TET1: variants seen among roughly 807,000 people sequenced by gnomAD.
The protein encoded by TET1 is methylcytosine dioxygenase TET1.
A neutral mutation model predicts 148.7 loss-of-function variants in TET1; 13 were observed. That is an observed-to-expected ratio of 0.09 (90% CI 0.06 to 0.14). The LOEUF is 0.14. Ranked by LOEUF, TET1 falls within the 10% of genes least tolerant of loss-of-function variation. The probability of loss-of-function intolerance (pLI) is 1.00; values close to 1 mark genes in which losing one functional copy is unlikely to be tolerated. For synonymous variants in TET1, 907 were observed against 937.2 expected (o/e 0.97, Z 0.59); for missense variants, 2,182 against 2,553.8 (o/e 0.85, Z 3.14).
chr10:68,607,380 C>T (rs2054139197), intron 3 of TET1, among the ~76,000 whole-genome samples: 1 of 150,806 alleles, frequency 6.6e-6, no homozygotes, highest in African/African-American at 2.4e-5. Context: ...CAACTAATAA[C>T]TTTATTTAAG....
chr10:68,596,025 C>CATATATATATATATATATATAT (rs1270482577), intron 2 of TET1, among the ~76,000 whole-genome samples: 1 of 55,996 alleles, frequency 1.8e-5, no homozygotes, highest in African/African-American at 5.8e-5. Context: ...CACACACACA[C>CATATATATATATATATATATAT]ACATATATAT....
intron 3 of TET1, among the ~76,000 whole-genome samples, chr10:68,639,464 TAC>T (rs1355395849): frequency 0.013 from 709 of 53,690 alleles, 4 homozygotes; most frequent in African/African-American, 0.023. Context: ...CTACTACTAC[TAC>T]TATTATTATT....
chr10:68,668,285 T>G (rs2055221489), intron 7 of TET1, among the ~76,000 whole-genome samples: 1 of 152,258 alleles, frequency 6.6e-6, no homozygotes, highest in African/African-American at 2.4e-5. Context: ...ACCCATCTTT[T>G]TCCTTATTTG....
At position 68,605,607 on chromosome 10, in the gene TET1, G is replaced by C. The variant is rs58125112; in HGVS notation, c.1968+4573G>C. Among the ~76,000 whole-genome samples the C allele has an allele frequency of 2.0e-3, 304 of 152,298 alleles. 1 individual carries two copies. Among genetic ancestry groups the C allele is most frequent in the African/African-American group, 6.9e-3 (285 of 41,564 alleles). On this transcript the variant is annotated intron_variant, in intron 3 of 11. Transcript: ENST00000373644. ...TGGCTCACTGCAACCTCTGCCACCTGGGTTCAAATGATTCTCCTGCCTCAG... is the reference window on the plus strand; with the variant it reads ...TGGCTCACTGCAACCTCTGCCACCTCGGTTCAAATGATTCTCCTGCCTCAG...
intron 3 of TET1, among the ~76,000 whole-genome samples, chr10:68,623,145 T>C (rs902226968): frequency 6.6e-6 from 1 of 152,172 alleles, no homozygotes; most frequent in Admixed American, 6.6e-5. Flanking sequence ...TTTAATCGTA[T>C]TTAGCATCTA....
In TET1 at chr10:68,640,703, C is replaced by T. The variant is rs200085800; in HGVS notation, c.1969-3995C>T. Reference sequence around the variant, plus strand: ...AGTAGCTGGGACTACAGGCGCCTGCCACCACACCCGGCTAATTTTTTTGTA... The same window carrying T: ...AGTAGCTGGGACTACAGGCGCCTGCTACCACACCCGGCTAATTTTTTTGTA... On this transcript the variant is annotated intron_variant, in intron 3 of 11. Coordinates refer to ENST00000373644, the MANE Select transcript of TET1 (RefSeq NM_030625.3). Among the ~76,000 whole-genome samples, 73 of 151,208 alleles carry T rather than the reference C, an allele frequency of 4.8e-4. 1 individual carries two copies. In the East Asian group the frequency reaches 0.013, roughly 26 times the overall value.
intron 10 of TET1, among the ~76,000 whole-genome samples, chr10:68,683,762 G>C (rs1438344975): frequency 6.6e-6 from 1 of 152,194 alleles, no homozygotes; most frequent in Non-Finnish European, 1.5e-5. Context: ...GTATGAAGTT[G>C]AGCATGTTAC....
chr10:68,636,524 T>C (rs1210653014), intron 3 of TET1, among the ~76,000 whole-genome samples: 3 of 152,160 alleles, frequency 2.0e-5, no homozygotes, highest in East Asian at 3.9e-4. Flanking sequence ...TTGACACTAC[T>C]AGCCTGGGCA....
chr10:68,682,798 CT>C (rs767309708), intron 9 of TET1, 37 bp from the exon 10 acceptor site: 2 of 1,576,274 alleles, frequency 1.3e-6, no homozygotes, highest in East Asian at 4.5e-5. Flanking sequence ...TGATTTCCTT[CT>C]CTCTCTTAAG....
chr10:68,621,582 A>G (rs1487621422), intron 3 of TET1, among the ~76,000 whole-genome samples: 2 of 152,118 alleles, frequency 1.3e-5, no homozygotes, highest in Admixed American at 1.3e-4. Flanking sequence ...CTCCATCTCA[A>G]AAAAAATAAA....
chr10:68,616,570 C>T (rs10998330), intron 3 of TET1, among the ~76,000 whole-genome samples: 46,048 of 151,846 alleles, frequency 0.3, 7,804 homozygotes, highest in Middle Eastern at 0.39. Flanking sequence ...CATGGTCTCA[C>T]TCTCACCCTG....
At chr10:68,587,488 C>A (rs2053873716) in intron 2 of TET1, among the ~76,000 whole-genome samples, 1 of 152,148 alleles carries the variant, frequency 6.6e-6, no homozygotes, top group Admixed American at 6.6e-5. Flanking sequence ...AGTTGCTTTC[C>A]TTATTTCCCA....
chr10:68,657,151 A>G (rs573585114), intron 6 of TET1, among the ~76,000 whole-genome samples: 2 of 152,254 alleles, frequency 1.3e-5, no homozygotes, highest in East Asian at 3.9e-4. Flanking sequence ...CAGCTTGGAC[A>G]ACATAGTGAG....
chr10:68,565,424 T>A (rs886183548), intron 1 of TET1, among the ~76,000 whole-genome samples: 7 of 146,270 alleles, frequency 4.8e-5, no homozygotes, highest in African/African-American at 1.8e-4. Context: ...AAGGCTACAG[T>A]GAGCCTTGAT....
intron 3 of TET1, among the ~76,000 whole-genome samples, chr10:68,628,825 C>T (rs1463424046): frequency 1.3e-5 from 2 of 152,086 alleles, no homozygotes; most frequent in Non-Finnish European, 2.9e-5. Flanking sequence ...TCTAAAACCC[C>T]TCCTAGGTGA....
chr10:68,663,898 T>TG (rs145617994), intron 6 of TET1, among the ~76,000 whole-genome samples: 3,005 of 152,330 alleles, frequency 0.02, 95 homozygotes, highest in African/African-American at 0.069. Context: ...GAGCTGCTTC[T>TG]GTCCAAGCCT....
chr10:68,673,935 C>CTTTTTTTTTT (rs11381293), intron 8 of TET1, among the ~76,000 whole-genome samples: 2 of 120,272 alleles, frequency 1.7e-5, no homozygotes, highest in Admixed American at 9.1e-5. Flanking sequence ...CTTTCTTTTT[C>CTTTTTTTTTT]TTTTTTTTTT....
At chr10:68,670,084 T>C in intron 7 of TET1, among the ~76,000 whole-genome samples, 1 of 152,222 alleles carries the variant, frequency 6.6e-6, no homozygotes, top group South Asian at 2.1e-4. Context: ...AGACTTTGTC[T>C]TTTTCCCTAA....
intron 3 of TET1, among the ~76,000 whole-genome samples, chr10:68,609,675 A>T (rs1191553645): frequency 2.6e-5 from 4 of 152,318 alleles, no homozygotes; most frequent in African/African-American, 9.6e-5. Flanking sequence ...TAAAGCATAG[A>T]TTATTTTCAT....
Sources: allele counts gnomAD v4.1 joint callset (sites outside exome capture counted in the v4.1 genomes callset), GRCh38; gene constraint gnomAD v4.1.1; transcripts MANE v1.5; gene names NCBI Gene and HGNC (gene_info 2026-07-23, HGNC 2026-07-21).